CHIC1: variants seen among roughly 807,000 people sequenced by gnomAD.
CHIC1 encodes cysteine-rich hydrophobic domain-containing protein 1.
CHIC1 carries 7 observed loss-of-function variants against 18.5 expected under a neutral mutation model. The ratio of observed to expected loss-of-function variants is 0.38; its 90% confidence interval spans 0.22 to 0.71. The LOEUF (loss-of-function observed/expected upper bound fraction) is 0.71, where lower values mean the gene tolerates loss of function less well. Ranked by LOEUF, CHIC1 falls within the 30% of genes least tolerant of loss-of-function variation. The probability of loss-of-function intolerance (pLI) is 0.49; values close to 1 mark genes in which losing one functional copy is unlikely to be tolerated. For missense variants in CHIC1, 159 were observed against 176.9 expected (o/e 0.90, Z 0.57); for synonymous variants, 77 against 73.5 (o/e 1.05, Z -0.25).
At chrX:73,578,128 G>C (rs942726834) in intron 2 of CHIC1, among the ~76,000 whole-genome samples, 1 of 110,573 alleles carries the variant, frequency 9.0e-6, no homozygotes, top group African/African-American at 3.3e-5. Flanking sequence ...AAAGGTGACT[G>C]TGAGGAGATG....
chrX:73,598,868 A>G (rs1163749826), intron 3 of CHIC1, among the ~76,000 whole-genome samples: 5 of 109,316 alleles, frequency 4.6e-5, no homozygotes, highest in African/African-American at 1.7e-4. Context: ...GGCTGGGTCA[A>G]ATGGTATTTC....
intron 3 of CHIC1, among the ~76,000 whole-genome samples, chrX:73,591,493 A>G (rs1057152764): frequency 1.8e-5 from 2 of 111,596 alleles, no homozygotes; most frequent in South Asian, 7.5e-4. Flanking sequence ...TGTGTTTTGC[A>G]AATATTTTCT....
chrX:73,666,546 C>T (rs1024940828), intron 3 of CHIC1, among the ~76,000 whole-genome samples: 2 of 111,977 alleles, frequency 1.8e-5, no homozygotes, highest in African/African-American at 6.5e-5. Flanking sequence ...TCTGCCTTCC[C>T]CAGCCCACTG....
chrX:73,594,199 C>G (rs931074066), intron 3 of CHIC1, among the ~76,000 whole-genome samples: 29 of 106,456 alleles, frequency 2.7e-4, no homozygotes, highest in African/African-American at 7.2e-4. Flanking sequence ...GAGGCAGAGT[C>G]TCGCTCAGTC....
At chrX:73,608,210 G>A (rs1407399184) in intron 3 of CHIC1, among the ~76,000 whole-genome samples, 2 of 109,049 alleles carry the variant, frequency 1.8e-5, no homozygotes, top group Non-Finnish European at 1.9e-5. Flanking sequence ...AGTTGACCAC[G>A]TATTTGAGAC....
At chrX:73,589,854 G>T (rs1409433087) in intron 3 of CHIC1, among the ~76,000 whole-genome samples, 3 of 110,746 alleles carry the variant, frequency 2.7e-5, no homozygotes, top group African/African-American at 9.8e-5. Context: ...GGATAATTTT[G>T]CTCAGTATAG....
At chrX:73,590,631 C>T (rs1385161050) in intron 3 of CHIC1, among the ~76,000 whole-genome samples, 1 of 111,470 alleles carries the variant, frequency 9.0e-6, no homozygotes, top group East Asian at 2.8e-4. Flanking sequence ...TCATCCCACC[C>T]GCATATCCTG....
At chrX:73,625,379 TAAAGG>T (rs2057778878) in intron 3 of CHIC1, among the ~76,000 whole-genome samples, 1 of 110,855 alleles carries the variant, frequency 9.0e-6, no homozygotes, top group African/African-American at 3.3e-5. Flanking sequence ...GAAAAAATAA[TAAAGG>T]GAAAGAAGAG....
intron 3 of CHIC1, among the ~76,000 whole-genome samples, chrX:73,658,528 TC>T (rs2057963340): frequency 9.1e-6 from 1 of 109,422 alleles, no homozygotes. Flanking sequence ...TAATCTTCTC[TC>T]TTTTTTTCTT....
rs150981723 is a variant in CHIC1 at position 73,665,954 on chromosome X, C to T, written c.508-13372C>T. On this transcript the variant is annotated intron_variant, in intron 3 of 5. Coordinates refer to ENST00000373502, the MANE Select transcript of CHIC1 (RefSeq NM_001039840.4). ...TTGTGGGTAATTAACATGGTCGCCC[C>T]CTTGGAGAGAGCAGTCCTGCAAACA... is the stretch of plus-strand genomic sequence containing the variant. Among the ~76,000 whole-genome samples the T allele has an allele frequency of 6.4e-3, 712 of 111,428 alleles. 8 individuals are homozygous for T. The highest frequency in any genetic ancestry group is 0.022 in the African/African-American group (666 of 30,626).
At chrX:73,643,157 T>G (rs1273785199) in intron 3 of CHIC1, among the ~76,000 whole-genome samples, 9 of 111,931 alleles carry the variant, frequency 8.0e-5, no homozygotes, top group African/African-American at 2.3e-4. Flanking sequence ...GAAATTCTGT[T>G]TTGAAAATCC....
intron 3 of CHIC1, among the ~76,000 whole-genome samples, chrX:73,646,721 G>A (rs776447773): frequency 2.1e-4 from 23 of 111,960 alleles, no homozygotes; most frequent in Admixed American, 1.9e-3. Flanking sequence ...ACAGTTTTTT[G>A]GTGGAATCTG....
intron 3 of CHIC1, among the ~76,000 whole-genome samples, chrX:73,649,022 A>G (rs772625215): frequency 4.5e-5 from 5 of 112,314 alleles, no homozygotes; most frequent in African/African-American, 1.3e-4. Flanking sequence ...CCTACAAGCC[A>G]GAAGAGAGTG....
chrX:73,567,269 C>T (rs1283913956), intron 1 of CHIC1, among the ~76,000 whole-genome samples: 13 of 110,435 alleles, frequency 1.2e-4, no homozygotes, highest in Non-Finnish European at 9.5e-5. Context: ...TGGGCTTCTT[C>T]ACTCAATAGC....
chrX:73,599,664 A>C (rs1353416228), intron 3 of CHIC1, among the ~76,000 whole-genome samples: 1 of 102,298 alleles, frequency 9.8e-6, no homozygotes, highest in East Asian at 3.1e-4. Context: ...GTTATTTCTG[A>C]GGGCTCTGTT....
chrX:73,589,107 A>G (rs1188040540), intron 3 of CHIC1, among the ~76,000 whole-genome samples: 4 of 109,845 alleles, frequency 3.6e-5, no homozygotes, highest in Non-Finnish European at 7.6e-5. Flanking sequence ...TTAGTTCCAT[A>G]AGGTCTAAAT....
At chrX:73,626,777 G>A (rs1399155172) in intron 3 of CHIC1, among the ~76,000 whole-genome samples, 2 of 110,838 alleles carry the variant, frequency 1.8e-5, no homozygotes, top group Non-Finnish European at 3.8e-5. Context: ...ACATTTCTCT[G>A]TTTCTCCAGG....
intron 3 of CHIC1, among the ~76,000 whole-genome samples, chrX:73,608,488 T>TA (rs2057693057): frequency 9.2e-6 from 1 of 108,313 alleles, no homozygotes. Context: ...TTTTCGGGGG[T>TA]AGTATTGTCA....
chrX:73,655,565 T>C (rs2057943709), intron 3 of CHIC1, among the ~76,000 whole-genome samples: 1 of 90,594 alleles, frequency 1.1e-5, no homozygotes, highest in Non-Finnish European at 2.1e-5. Context: ...TGTGTATATA[T>C]AGTGTGTGCA....
Sources: allele counts gnomAD v4.1 joint callset (sites outside exome capture counted in the v4.1 genomes callset), GRCh38; gene constraint gnomAD v4.1.1; transcripts MANE v1.5; gene names NCBI Gene and HGNC (gene_info 2026-07-23, HGNC 2026-07-21).